The following SCAPER variants were observed in gnomAD, a reference collection of about 807,000 sequenced individuals.
SCAPER encodes S-phase cyclin A associated protein in the ER.
A neutral mutation model predicts 182.2 loss-of-function variants in SCAPER; 98 were observed. The observed-to-expected ratio is 0.54, with a 90% CI of 0.46 to 0.64. The LOEUF is 0.64. Ranked by LOEUF, SCAPER falls within the 30% of genes least tolerant of loss-of-function variation. The pLI is 0.00. For synonymous variants in SCAPER, 605 were observed against 564.6 expected (o/e 1.07, Z -1.01); for missense variants, 1,432 against 1,690.0 (o/e 0.85, Z 2.68).
chr15:76,418,705 A>C (rs143139524), intron 26 of SCAPER, among the ~76,000 whole-genome samples: 113 of 152,346 alleles, frequency 7.4e-4, no homozygotes, highest in Non-Finnish European at 1.4e-3. Flanking sequence ...CCAGTGTCTG[A>C]ACCCAGGTGG....
At chr15:76,679,816 T>C (rs756580735) in intron 20 of SCAPER, among the ~76,000 whole-genome samples, 2 of 152,210 alleles carry the variant, frequency 1.3e-5, no homozygotes, top group South Asian at 4.1e-4. Flanking sequence ...TGATGTTCCT[T>C]TCTGATCTAA....
intron 23 of SCAPER, among the ~76,000 whole-genome samples, chr15:76,545,890 G>A (rs1228830965): frequency 6.6e-6 from 1 of 152,132 alleles, no homozygotes; most frequent in African/African-American, 2.4e-5. Context: ...TCATGCTTGT[G>A]TGGATGAAAC....
chr15:76,804,897 T>G (rs2066041879), intron 5 of SCAPER, among the ~76,000 whole-genome samples: 1 of 152,142 alleles, frequency 6.6e-6, no homozygotes, highest in Non-Finnish European at 1.5e-5. Context: ...ACCTTTTTAT[T>G]ATGAATTTTA....
chr15:76,366,744 T>C (rs767435837), intron 29 of SCAPER, among the ~76,000 whole-genome samples: 11 of 152,198 alleles, frequency 7.2e-5, no homozygotes, highest in South Asian at 4.1e-4. Context: ...CCCACTTCTA[T>C]AGCCCAAGGT....
At chr15:76,704,034 A>C (rs1167011166) in intron 18 of SCAPER, among the ~76,000 whole-genome samples, 10 of 152,150 alleles carry the variant, frequency 6.6e-5, no homozygotes, top group Admixed American at 5.9e-4. Context: ...TAATGCTAAA[A>C]ATTTTCTAGA....
At chr15:76,350,419 C>G (rs1231626784) in intron 31 of SCAPER, 2 of 151,028 alleles carry the variant, frequency 1.3e-5, no homozygotes, top group Admixed American at 1.3e-4. Flanking sequence ...GTAACACCCC[C>G]ACCCCCACCA....
At chr15:76,833,266 C>G (rs2068660436) in intron 5 of SCAPER, among the ~76,000 whole-genome samples, 1 of 152,140 alleles carries the variant, frequency 6.6e-6, no homozygotes, top group Non-Finnish European at 1.5e-5. Context: ...AATTTCATAT[C>G]CAGCCAAACT....
rs1006863757 is a variant in SCAPER, at chr15:76,512,183, C to T, written c.2839-7209G>A. Reference sequence around the variant, plus strand: ...GATTACAGGCGTGAGCCACCATGTCCGGCCCCATTATACATGGTTTTAACT... The same window carrying T: ...GATTACAGGCGTGAGCCACCATGTCTGGCCCCATTATACATGGTTTTAACT... On this transcript the variant is annotated intron_variant, in intron 23 of 31. Coordinates refer to ENST00000563290, the MANE Select transcript of SCAPER (RefSeq NM_020843.4). Among the ~76,000 whole-genome samples, 8 of 151,904 alleles carry T rather than the reference C, an allele frequency of 5.3e-5. 1 individual carries two copies. The highest frequency in any genetic ancestry group is 1.5e-4 in the African/African-American group (6 of 41,348).
At chr15:76,369,639 C>G (rs768440732) in intron 29 of SCAPER, among the ~76,000 whole-genome samples, 3 of 152,232 alleles carry the variant, frequency 2.0e-5, no homozygotes, top group Non-Finnish European at 2.9e-5. Flanking sequence ...TTACCACACC[C>G]TCTTAGCAAA....
chr15:76,652,355 CA>C, intron 21 of SCAPER, among the ~76,000 whole-genome samples: 1 of 31,518 alleles, frequency 3.2e-5, no homozygotes, highest in Non-Finnish European at 5.4e-5. Context: ...CACACACACA[CA>C]CACACACACA....
chr15:76,805,274 G>A (rs879297973), intron 5 of SCAPER, among the ~76,000 whole-genome samples: 3 of 152,000 alleles, frequency 2.0e-5, no homozygotes, highest in Non-Finnish European at 4.4e-5. Flanking sequence ...CAATTCTCTT[G>A]GGTATATACT....
chr15:76,790,531 G>C, intron 8 of SCAPER, among the ~76,000 whole-genome samples: 1 of 152,084 alleles, frequency 6.6e-6, no homozygotes, highest in East Asian at 1.9e-4. Flanking sequence ...ATTTTAACTT[G>C]TGTTTTTCAA....
chr15:76,625,177 C>T (rs2052452645), intron 21 of SCAPER, among the ~76,000 whole-genome samples: 1 of 152,088 alleles, frequency 6.6e-6, no homozygotes, highest in African/African-American at 2.4e-5. Flanking sequence ...TCATCAGGCA[C>T]TCTGGTGGTA....
intron 17 of SCAPER, among the ~76,000 whole-genome samples, chr15:76,725,551 T>C (rs1440669057): frequency 6.6e-6 from 1 of 152,016 alleles, no homozygotes; most frequent in Non-Finnish European, 1.5e-5. Flanking sequence ...CAAAACAATC[T>C]TGAAAAGAAC....
At chr15:76,628,189 T>TA (rs2052763931) in intron 21 of SCAPER, among the ~76,000 whole-genome samples, 1 of 152,160 alleles carries the variant, frequency 6.6e-6, no homozygotes, top group Non-Finnish European at 1.5e-5. Context: ...AGGCCTTAAT[T>TA]AGATGCATAG....
At chr15:76,610,797 C>G (rs2050908933) in intron 22 of SCAPER, among the ~76,000 whole-genome samples, 1 of 152,118 alleles carries the variant, frequency 6.6e-6, no homozygotes, top group South Asian at 2.1e-4. Flanking sequence ...TAAATAGATA[C>G]CCCATGTTAA....
chr15:76,815,456 T>C (rs878930358), intron 5 of SCAPER, among the ~76,000 whole-genome samples: 51 of 152,352 alleles, frequency 3.3e-4, no homozygotes, highest in Admixed American at 3.3e-3. Flanking sequence ...AGAGATATAC[T>C]GAGAAATGCA....
At chr15:76,713,579 T>G (rs1489876858) in intron 17 of SCAPER, among the ~76,000 whole-genome samples, 1 of 149,838 alleles carries the variant, frequency 6.7e-6, no homozygotes, top group Non-Finnish European at 1.5e-5. Flanking sequence ...AAATGAACAA[T>G]GAGAACACAT....
intron 26 of SCAPER, among the ~76,000 whole-genome samples, chr15:76,413,339 G>A (rs989429402): frequency 6.6e-6 from 1 of 152,040 alleles, no homozygotes; most frequent in African/African-American, 2.4e-5. Flanking sequence ...TATTATGTAC[G>A]ATTTAGCTGT....
Sources: gnomAD v4.1 joint callset for allele counts (sites outside exome capture counted in the v4.1 genomes callset) on GRCh38, gnomAD v4.1.1 for gene constraint, MANE v1.5 for transcripts, NCBI Gene and HGNC (gene_info 2026-07-23, HGNC 2026-07-21) for gene names.